Variants in ROR1 observed in about 807,000 individuals in gnomAD.
The protein encoded by ROR1 is ROR family WNT receptor 1.
ROR1 carries 19 observed loss-of-function variants against 78.8 expected under a neutral mutation model. The observed-to-expected ratio is 0.24, with a 90% confidence interval of 0.17 to 0.35. The LOEUF is 0.35. ROR1 is among the 10% of genes least tolerant of loss of function. The pLI is 1.00. For missense variants in ROR1, 917 were observed against 1,177.8 expected (o/e 0.78, Z 3.24); for synonymous variants, 386 against 433.6 (o/e 0.89, Z 1.36).
chr1:64,002,131 C>CTTTTT (rs34252630), intron 1 of ROR1, among the ~76,000 whole-genome samples: 1 of 105,986 alleles, frequency 9.4e-6, no homozygotes, highest in African/African-American at 3.2e-5. Flanking sequence ...CCAGTTCAAC[C>CTTTTT]TTTTTTTTTT....
At chr1:64,108,057 T>C (rs12121161) in intron 4 of ROR1, among the ~76,000 whole-genome samples, 5,534 of 109,940 alleles carry the variant, frequency 0.05, 127 homozygotes, top group South Asian at 0.094. Context: ...TTTTGTTTTC[T>C]TGTTGTGTGT....
intron 1 of ROR1, among the ~76,000 whole-genome samples, chr1:63,907,510 C>T (rs1009131997): frequency 6.6e-6 from 1 of 152,108 alleles, no homozygotes; most frequent in Non-Finnish European, 1.5e-5. Context: ...TGCCACAAAC[C>T]AGATATGTGA....
At chr1:63,831,725 C>T (rs979762557) in intron 1 of ROR1, among the ~76,000 whole-genome samples, 1 of 152,236 alleles carries the variant, frequency 6.6e-6, no homozygotes, top group African/African-American at 2.4e-5. Flanking sequence ...TTCAGCTTCT[C>T]TTTATTTATG....
At chr1:63,902,515 A>G (rs982209391) in intron 1 of ROR1, among the ~76,000 whole-genome samples, 2 of 151,876 alleles carry the variant, frequency 1.3e-5, no homozygotes, top group African/African-American at 4.8e-5. Context: ...TGTAGAGACA[A>G]GGACCCACCA....
intron 1 of ROR1, among the ~76,000 whole-genome samples, chr1:63,812,118 G>C (rs779475522): frequency 2.2e-4 from 33 of 151,964 alleles, no homozygotes; most frequent in Non-Finnish European, 3.8e-4. Flanking sequence ...GTGCCGCCAC[G>C]CCTGGCTAAT....
chr1:63,848,063 T>C (rs1487879880), intron 1 of ROR1, among the ~76,000 whole-genome samples: 1 of 152,204 alleles, frequency 6.6e-6, no homozygotes, highest in East Asian at 1.9e-4. Flanking sequence ...TAAGAACCGA[T>C]ATAGCTGATA....
At chr1:64,101,685 A>T (rs998480946) in intron 4 of ROR1, among the ~76,000 whole-genome samples, 1 of 152,156 alleles carries the variant, frequency 6.6e-6, no homozygotes, top group African/African-American at 2.4e-5. Flanking sequence ...CACAATGAGT[A>T]GAAAGAGAGT....
At chr1:64,117,923 G>C (rs1420876752) in intron 4 of ROR1, among the ~76,000 whole-genome samples, 1 of 152,274 alleles carries the variant, frequency 6.6e-6, no homozygotes, top group Non-Finnish European at 1.5e-5. Flanking sequence ...AACAGGGACT[G>C]GGTACCTTGG....
intron 1 of ROR1, among the ~76,000 whole-genome samples, chr1:63,992,960 T>C (rs1430936514): frequency 6.6e-6 from 1 of 152,162 alleles, no homozygotes; most frequent in Non-Finnish European, 1.5e-5. Context: ...CCCATGTCTT[T>C]TTCTGCCTGC....
intron 1 of ROR1, among the ~76,000 whole-genome samples, chr1:63,991,385 G>A (rs547001388): frequency 1.3e-5 from 2 of 152,178 alleles, no homozygotes; most frequent in Non-Finnish European, 2.9e-5. Context: ...ATAGATCACA[G>A]CCATTTTTCA....
intron 4 of ROR1, among the ~76,000 whole-genome samples, chr1:64,064,701 G>A (rs1646943113): frequency 6.6e-6 from 1 of 152,184 alleles, no homozygotes; most frequent in Admixed American, 6.5e-5. Flanking sequence ...TGGACAGTTT[G>A]GATTGTGGAA....
At chr1:63,864,149 G>A (rs930044193) in intron 1 of ROR1, among the ~76,000 whole-genome samples, 2 of 152,116 alleles carry the variant, frequency 1.3e-5, no homozygotes, top group African/African-American at 2.4e-5. Context: ...TAAGACAACC[G>A]AGGTACAAGA....
rs568920359 is a variant in ROR1, at chr1:64,163,423, AG to A, written c.1386+4232del. Reference sequence around the variant, plus strand: ...ACAGAGTGAGACTCATCTCAAAAAAAGAAAAAAAGATGGAGGAGTCTGAGAA... The same window carrying A: ...ACAGAGTGAGACTCATCTCAAAAAAAAAAAAAAGATGGAGGAGTCTGAGAA... On this transcript the variant is annotated intron_variant, in intron 8 of 8. Coordinates refer to ENST00000371079, the MANE Select transcript of ROR1 (RefSeq NM_005012.4). Among the ~76,000 whole-genome samples, 1,443 of 152,190 alleles carry A rather than the reference AG, an allele frequency of 9.5e-3. 13 individuals carry two copies. Among genetic ancestry groups the A allele is most frequent in the Non-Finnish European group, 0.016 (1,092 of 67,970 alleles).
intron 4 of ROR1, among the ~76,000 whole-genome samples, chr1:64,081,257 G>T (rs1420473691): frequency 6.6e-6 from 1 of 152,026 alleles, no homozygotes; most frequent in Non-Finnish European, 1.5e-5. Context: ...CTGAAATGAA[G>T]ACATCGACCT....
Position 63,785,526 on chromosome 1 carries a change from TTTAA to T in ROR1, c.91+11021_91+11024del, listed in dbSNP as rs1414650377. Among the ~76,000 whole-genome samples the T allele has an allele frequency of 1.6e-3, 238 of 149,480 alleles. 1 individual carries two copies. Among genetic ancestry groups the T allele is most frequent in the African/African-American group, 4.9e-3 (197 of 40,378 alleles). On this transcript the variant is annotated intron_variant, in intron 1 of 8. Coordinates refer to ENST00000371079, the MANE Select transcript of ROR1 (RefSeq NM_005012.4). ...ATTTATTTATTTATTTATTTATTTA[TTTAA>T]TTTTTTTTTTGAGACGGAGTCTCAC... is the stretch of plus-strand genomic sequence containing the variant.
rs150071411 is a variant in ROR1, at chr1:63,993,253, G to T, written c.92-16052G>T. Among the ~76,000 whole-genome samples the T allele has an allele frequency of 2.0e-4, 31 of 152,244 alleles. No individual in the cohort carries two copies. The East Asian group carries it at 3.3e-3, about 16-fold the overall frequency. On this transcript the variant is annotated intron_variant, in intron 1 of 8. Coordinates refer to ENST00000371079, the MANE Select transcript of ROR1 (RefSeq NM_005012.4). Reference sequence around the variant, plus strand: ...TCTTATGAGGTGCTCTTTCTATGGAGTCCCGTAAAACTCCGGGCATACCTC... The same window carrying T: ...TCTTATGAGGTGCTCTTTCTATGGATTCCCGTAAAACTCCGGGCATACCTC...
chr1:63,867,585 C>G (rs1042449671), intron 1 of ROR1, among the ~76,000 whole-genome samples: 1 of 152,188 alleles, frequency 6.6e-6, no homozygotes, highest in Non-Finnish European at 1.5e-5. Flanking sequence ...GCAGGCGACT[C>G]CCTTGTCAGT....
intron 2 of ROR1, among the ~76,000 whole-genome samples, chr1:64,023,651 T>C (rs1646583938): frequency 1.3e-5 from 2 of 152,226 alleles, no homozygotes; most frequent in Admixed American, 6.5e-5. Context: ...CAGATACTGT[T>C]TGTCTTTTTA....
chr1:63,893,443 T>C (rs1228229991), intron 1 of ROR1, among the ~76,000 whole-genome samples: 1 of 152,164 alleles, frequency 6.6e-6, no homozygotes, highest in Non-Finnish European at 1.5e-5. Context: ...AAATTTGGCC[T>C]TGAAGATGGT....
Sources: gnomAD v4.1 joint callset for allele counts (sites outside exome capture counted in the v4.1 genomes callset) on GRCh38, gnomAD v4.1.1 for gene constraint, MANE v1.5 for transcripts, NCBI Gene and HGNC (gene_info 2026-07-23, HGNC 2026-07-21) for gene names.